The following TP63 variants were observed in gnomAD, a reference collection of about 807,000 sequenced individuals.
TP63 encodes the protein tumor protein p63, also known as tumor protein 63.
A neutral mutation model predicts 82.8 loss-of-function variants in TP63; 17 were observed. That is an observed-to-expected ratio of 0.21 (90% CI 0.14 to 0.31). The LOEUF (loss-of-function observed/expected upper bound fraction) is 0.31, where lower values mean the gene tolerates loss of function less well. Ranked by LOEUF, TP63 falls within the 10% of genes least tolerant of loss-of-function variation. TP63 has a pLI of 1.00. For missense variants in TP63, 648 were observed against 895.3 expected (o/e 0.72, Z 3.52); for synonymous variants, 330 against 321.7 (o/e 1.03, Z -0.28).
intron 4 of TP63, among the ~76,000 whole-genome samples, chr3:189,818,871 A>G (rs9881595): frequency 0.43 from 65,570 of 151,982 alleles, 15,713 homozygotes; most frequent in East Asian, 0.62. Flanking sequence ...TGAATTGCTA[A>G]TGGGGAAACT....
At chr3:189,713,225 AACAC>A (rs1718723266) in intron 1 of TP63, among the ~76,000 whole-genome samples, 1 of 152,174 alleles carries the variant, frequency 6.6e-6, no homozygotes, top group Non-Finnish European at 1.5e-5. Context: ...TCTGACACTT[AACAC>A]ACTGCCTGGC....
intron 1 of TP63, among the ~76,000 whole-genome samples, chr3:189,703,093 A>G (rs994915643): frequency 3.3e-5 from 5 of 152,332 alleles, no homozygotes; most frequent in African/African-American, 1.2e-4. Flanking sequence ...GAGTGGTGCA[A>G]TCAGAACTGG....
intron 10 of TP63, among the ~76,000 whole-genome samples, chr3:189,875,589 CATACATATATATAT>C (rs1263837843): frequency 0.061 from 2,726 of 44,408 alleles, 286 homozygotes; most frequent in Middle Eastern, 0.13. Context: ...AAAAAAAATA[CATACATATATATAT>C]ATATATATAT....
At chr3:189,826,219 C>T (rs939932565) in intron 4 of TP63, among the ~76,000 whole-genome samples, 6 of 152,174 alleles carry the variant, frequency 3.9e-5, no homozygotes, top group Non-Finnish European at 7.4e-5. Context: ...AAGGCAAGGA[C>T]AAATGTTATC....
intron 12 of TP63, 99 bp from the exon 13 acceptor site, chr3:189,890,690 A>G: frequency 2.6e-6 from 3 of 1,141,258 alleles, no homozygotes; most frequent in Non-Finnish European, 3.9e-6. Context: ...TGGGGCATCC[A>G]AGGGCAAAAT....
At chr3:189,760,851 C>G (rs1025161440) in intron 3 of TP63, among the ~76,000 whole-genome samples, 1 of 152,190 alleles carries the variant, frequency 6.6e-6, no homozygotes, top group Non-Finnish European at 1.5e-5. Flanking sequence ...GTTCTGAAAT[C>G]TAGGTGGAGG....
At chr3:189,654,749 G>A (rs1185980510) in intron 1 of TP63, among the ~76,000 whole-genome samples, 1 of 152,170 alleles carries the variant, frequency 6.6e-6, no homozygotes, top group African/African-American at 2.4e-5. Context: ...ACCCAGTTAT[G>A]TAGAAATTTT....
rs1173303394 is a variant in TP63 at position 189,897,273 on chromosome 3, G to T, written c.*2771G>T. 5.2e-6 allele frequency: 1 copy of T among 190,796 alleles called. No homozygotes were observed. Among genetic ancestry groups the T allele is most frequent in the Non-Finnish European group, 1.1e-5 (1 of 90,886 alleles). The allele number at this position is 190,796 out of a possible 1,614,324, so 11.8% of individuals were successfully genotyped here. ...TAAAAAATAAATAAAAACTAATTAA[G>T]AAATTGTGTGTGTGTCTATCTGTGT... On this transcript the variant is annotated 3_prime_UTR_variant, in exon 14 of 14. Transcript: ENST00000264731.
At chr3:189,886,954 A>G (rs1183448629) in intron 11 of TP63, among the ~76,000 whole-genome samples, 3 of 152,198 alleles carry the variant, frequency 2.0e-5, no homozygotes, top group African/African-American at 4.8e-5. Flanking sequence ...CACGACTGCA[A>G]TCCTAGCACT....
chr3:189,643,614 A>G lies in TP63; in HGVS notation c.62+12037A>G, dbSNP rs548680546. ...AGATTAATTAATTTCCACTCTATCA[A>G]TGTGACTGTTTTTTCCCTAATGTGG... is the stretch of plus-strand genomic sequence containing the variant. On this transcript the variant is annotated intron_variant, in intron 1 of 13. Coordinates refer to ENST00000264731, the MANE Select transcript of TP63 (RefSeq NM_003722.5). Among the ~76,000 whole-genome samples the G allele has an allele frequency of 5.3e-5, 8 of 152,272 alleles. No individual in the cohort carries two copies. In the East Asian group the frequency reaches 1.5e-3, roughly 29 times the overall value.
intron 4 of TP63, among the ~76,000 whole-genome samples, chr3:189,817,761 T>C (rs1461581644): frequency 6.6e-6 from 1 of 152,018 alleles, no homozygotes; most frequent in Admixed American, 6.6e-5. Context: ...TAAAAGAGTT[T>C]CTTCTTAAAA....
the TP63 span, among the ~76,000 whole-genome samples, chr3:189,608,256 C>G: frequency 6.6e-6 from 1 of 152,138 alleles, no homozygotes; most frequent in South Asian, 2.1e-4. Context: ...AGTATAACAT[C>G]AGACTGAGTA....
intron 4 of TP63, among the ~76,000 whole-genome samples, chr3:189,837,385 A>G (rs1183700858): frequency 6.7e-6 from 1 of 148,320 alleles, no homozygotes; most frequent in Non-Finnish European, 1.5e-5. Flanking sequence ...TAACTATTGA[A>G]TATAGATGAT....
intron 10 of TP63, among the ~76,000 whole-genome samples, chr3:189,882,198 A>G (rs1213724854): frequency 5.3e-5 from 8 of 152,006 alleles, no homozygotes; most frequent in Non-Finnish European, 7.4e-5. Context: ...TCGTTTTTTG[A>G]TATTTGCTTT....
chr3:189,823,426 A>C (rs1429977379), intron 4 of TP63, among the ~76,000 whole-genome samples: 1 of 152,134 alleles, frequency 6.6e-6, no homozygotes, highest in Admixed American at 6.5e-5. Context: ...GGCCTGCAGT[A>C]AAGGAGAGCA....
At chr3:189,846,241 C>G (rs949726603) in intron 4 of TP63, among the ~76,000 whole-genome samples, 2 of 152,088 alleles carry the variant, frequency 1.3e-5, no homozygotes, top group African/African-American at 4.8e-5. Flanking sequence ...GCAGCTCACC[C>G]CTCGATATTC....
intron 1 of TP63, among the ~76,000 whole-genome samples, chr3:189,718,807 G>T (rs916886036): frequency 4.0e-5 from 6 of 151,792 alleles, no homozygotes; most frequent in Non-Finnish European, 8.8e-5. Context: ...TGTCATTTTT[G>T]GGAAAGGTGG....
chr3:189,794,798 G>T (rs1384433650), intron 3 of TP63, among the ~76,000 whole-genome samples: 2 of 152,022 alleles, frequency 1.3e-5, no homozygotes, highest in Non-Finnish European at 2.9e-5. Flanking sequence ...GCTTGAGATT[G>T]CCTAGAAGTA....
chr3:189,802,184 A>G (rs944824626), intron 3 of TP63, among the ~76,000 whole-genome samples: 7 of 152,166 alleles, frequency 4.6e-5, no homozygotes, highest in Non-Finnish European at 1.0e-4. Flanking sequence ...ATATTTGGGG[A>G]TGGAAATGTA....
Sources: allele counts gnomAD v4.1 joint callset (sites outside exome capture counted in the v4.1 genomes callset), GRCh38; gene constraint gnomAD v4.1.1; transcripts MANE v1.5; gene names NCBI Gene and HGNC (gene_info 2026-07-23, HGNC 2026-07-21).